Variants in MAML2 observed in about 807,000 individuals in gnomAD.
MAML2 encodes the protein mastermind like transcriptional coactivator 2, also known as mastermind-like protein 2.
Under a neutral mutation model 96.1 loss-of-function variants are expected in MAML2, and 22 were observed. The observed-to-expected ratio is 0.23, with a 90% CI of 0.16 to 0.33. The LOEUF (loss-of-function observed/expected upper bound fraction) is 0.33. Among genes scored for constraint, MAML2 ranks in the 10% least tolerant of loss-of-function variants. The pLI is 1.00. For synonymous variants in MAML2, 561 were observed against 521.3 expected (o/e 1.08, Z -1.04); for missense variants, 1,367 against 1,392.4 (o/e 0.98, Z 0.29).
Position 95,980,821 on chromosome 11 carries a change from C to T in MAML2, c.2456-858G>A, listed in dbSNP as rs149411290. Among the ~76,000 whole-genome samples the T allele has an allele frequency of 1.4e-4, 22 of 152,294 alleles. 1 individual carries two copies. In the East Asian group the frequency reaches 3.9e-3, roughly 27 times the overall value. On this transcript the variant is annotated intron_variant, in intron 4 of 4. Coordinates refer to ENST00000524717, the MANE Select transcript of MAML2 (RefSeq NM_032427.4). Reference sequence around the variant, plus strand: ...AAAGTGCCTGCCAGTTAAACTGATGCCTGTCAATAACTGATAGGATATTGA... The same window carrying T: ...AAAGTGCCTGCCAGTTAAACTGATGTCTGTCAATAACTGATAGGATATTGA...
At chr11:96,312,242 A>AAAAAAAAAAACAT (rs1338869332) in intron 1 of MAML2, among the ~76,000 whole-genome samples, 1 of 150,768 alleles carries the variant, frequency 6.6e-6, no homozygotes, top group Non-Finnish European at 1.5e-5. Context: ...AAAAAAAAAA[A>AAAAAAAAAAACAT]AAGAATGAGC....
intron 1 of MAML2, among the ~76,000 whole-genome samples, chr11:96,222,291 C>T (rs1460108937): frequency 6.6e-6 from 1 of 152,192 alleles, no homozygotes; most frequent in Non-Finnish European, 1.5e-5. Flanking sequence ...GACACGTGGT[C>T]CCATGGAATG....
intron 2 of MAML2, among the ~76,000 whole-genome samples, chr11:96,048,107 C>T (rs150180008): frequency 6.6e-6 from 1 of 152,110 alleles, no homozygotes; most frequent in Non-Finnish European, 1.5e-5. Context: ...TATCTCCATC[C>T]TCCATGCTCT....
At chr11:96,155,623 A>G (rs1423829267) in intron 1 of MAML2, among the ~76,000 whole-genome samples, 2 of 147,382 alleles carry the variant, frequency 1.4e-5, no homozygotes, top group Admixed American at 6.9e-5. Context: ...TGCAAAGGAC[A>G]GTGCTTTGTT....
At chr11:96,206,663 T>C (rs1407896971) in intron 1 of MAML2, among the ~76,000 whole-genome samples, 2 of 152,228 alleles carry the variant, frequency 1.3e-5, no homozygotes, top group African/African-American at 4.8e-5. Context: ...CCATTTCATT[T>C]TGTGCTTTTC....
chr11:96,291,736 G>A (rs533724588), intron 1 of MAML2, among the ~76,000 whole-genome samples: 31 of 152,240 alleles, frequency 2.0e-4, no homozygotes, highest in Non-Finnish European at 4.1e-4. Context: ...GTGTGTGCAC[G>A]CACACACATG....
intron 1 of MAML2, among the ~76,000 whole-genome samples, chr11:96,154,794 T>C (rs1410949961): frequency 6.6e-6 from 1 of 151,806 alleles, no homozygotes; most frequent in East Asian, 1.9e-4. Context: ...GTGCAGAGAG[T>C]GCCATGGAGG....
chr11:96,050,982 A>G (rs1298501702), intron 2 of MAML2, among the ~76,000 whole-genome samples: 2 of 152,140 alleles, frequency 1.3e-5, no homozygotes, highest in East Asian at 1.9e-4. Flanking sequence ...GTGATGTGTG[A>G]TAGTCTTAGG....
At chr11:96,178,557 T>G (rs1374658410) in intron 1 of MAML2, among the ~76,000 whole-genome samples, 1 of 151,050 alleles carries the variant, frequency 6.6e-6, no homozygotes, top group African/African-American at 2.4e-5. Context: ...GCTGCAGGAG[T>G]GATTGCCTCT....
At chr11:96,155,509 AATATATATATATATATAT>A (rs56860340) in intron 1 of MAML2, among the ~76,000 whole-genome samples, 1,211 of 74,828 alleles carry the variant, frequency 0.016, 97 homozygotes, top group South Asian at 0.055. Context: ...TAACAATTCA[AATATATATATATATATAT>A]ATATATATAT....
chr11:96,030,387 AGAAAT>A (rs1858594226), intron 2 of MAML2, among the ~76,000 whole-genome samples: 1 of 152,184 alleles, frequency 6.6e-6, no homozygotes, highest in Admixed American at 6.5e-5. Context: ...TGGCTTTGGA[AGAAAT>A]GAATAGATAA....
At chr11:96,010,497 AGGTAGGG>A (rs938293784) in intron 2 of MAML2, among the ~76,000 whole-genome samples, 1 of 152,200 alleles carries the variant, frequency 6.6e-6, no homozygotes, top group Admixed American at 6.5e-5. Flanking sequence ...CCTGTAGACC[AGGTAGGG>A]GCATAGGATG....
intron 1 of MAML2, among the ~76,000 whole-genome samples, chr11:96,205,659 A>G (rs2135934293): frequency 6.6e-6 from 1 of 152,316 alleles, no homozygotes; most frequent in Non-Finnish European, 1.5e-5. Context: ...CAAGCAAAAT[A>G]ATTGCTCTTG....
chr11:95,984,223 G>A (rs1032471836), intron 4 of MAML2, among the ~76,000 whole-genome samples: 9 of 152,114 alleles, frequency 5.9e-5, no homozygotes, highest in African/African-American at 2.2e-4. Context: ...ATATAGCCTA[G>A]GTGTGTAGTG....
intron 1 of MAML2, among the ~76,000 whole-genome samples, chr11:96,256,445 C>T (rs1793694304): frequency 6.6e-6 from 1 of 152,180 alleles, no homozygotes; most frequent in African/African-American, 2.4e-5. Flanking sequence ...GCTCTTCCCT[C>T]TGCCTGAGGA....
At chr11:96,183,884 A>G (rs1399563063) in intron 1 of MAML2, among the ~76,000 whole-genome samples, 3 of 152,138 alleles carry the variant, frequency 2.0e-5, no homozygotes, top group Non-Finnish European at 4.4e-5. Context: ...CTTTTTACTA[A>G]TATATTATCT....
At chr11:96,250,348 C>A (rs1252773232) in intron 1 of MAML2, among the ~76,000 whole-genome samples, 1 of 152,102 alleles carries the variant, frequency 6.6e-6, no homozygotes, top group East Asian at 1.9e-4. Context: ...TCATAGTGCT[C>A]TGATCAAGAT....
rs575352366 is a variant in MAML2, at chr11:96,118,460, A to G, written c.514-24943T>C. On this transcript the variant is annotated intron_variant, in intron 1 of 4. Transcript: ENST00000524717. ...CTTGCTTCCATTCATGCCTTCTGCC[A>G]TGATTGTAAGTTTCCTGGGGCCTCC... 1.1e-4 allele frequency among the ~76,000 whole-genome samples: 16 copies of G among 152,266 alleles called. No individual in the cohort carries two copies. The South Asian group carries it at 3.3e-3, about 32-fold the overall frequency.
At chr11:96,244,373 A>G (rs1862484428) in intron 1 of MAML2, among the ~76,000 whole-genome samples, 1 of 152,254 alleles carries the variant, frequency 6.6e-6, no homozygotes, top group African/African-American at 2.4e-5. Context: ...ATAAGTAGAT[A>G]AGGAAGCTTG....
Sources: allele counts gnomAD v4.1 joint callset (sites outside exome capture counted in the v4.1 genomes callset), GRCh38; gene constraint gnomAD v4.1.1; transcripts MANE v1.5; gene names NCBI Gene and HGNC (gene_info 2026-07-23, HGNC 2026-07-21).